XKR9: variants seen among roughly 807,000 people sequenced by gnomAD.
The protein encoded by XKR9 is XK related 9, also known as XK-related protein 9.
XKR9 carries 32 observed loss-of-function variants against 32.0 expected under a neutral mutation model. The ratio of observed to expected loss-of-function variants is 1.00; its 90% CI spans 0.76 to 1.34. The LOEUF (loss-of-function observed/expected upper bound fraction) is 1.34. Among genes scored for constraint, XKR9 ranks in the 40% most tolerant of loss-of-function variants. The pLI, the probability that XKR9 is intolerant of heterozygous loss-of-function variation, is 0.00. For missense variants in XKR9, 546 were observed against 429.7 expected (o/e 1.27, Z -2.39); for synonymous variants, 168 against 143.4 (o/e 1.17, Z -1.22).
At chr8:70,871,034 A>T in the XKR9 span, among the ~76,000 whole-genome samples, 1 of 152,226 alleles carries the variant, frequency 6.6e-6, no homozygotes, top group Non-Finnish European at 1.5e-5. Flanking sequence ...TACTAATAAC[A>T]TATAGTTATT....
At chr8:70,848,651 G>T in the XKR9 span, among the ~76,000 whole-genome samples, 2 of 151,574 alleles carry the variant, frequency 1.3e-5, no homozygotes, top group Admixed American at 1.3e-4. Context: ...CTGGCAAATT[G>T]GATAGTCAAA....
intron 3 of XKR9, among the ~76,000 whole-genome samples, chr8:70,693,023 G>C (rs1005415725): frequency 6.6e-6 from 1 of 152,198 alleles, no homozygotes; most frequent in African/African-American, 2.4e-5. Context: ...TTCTGTTGAT[G>C]TGATGAATCA....
chr8:70,990,733 AAGAGAGAGAGAGAGAGAG>A, the XKR9 span, among the ~76,000 whole-genome samples: 1 of 143,192 alleles, frequency 7.0e-6, no homozygotes, highest in Admixed American at 6.9e-5. Context: ...TTGGCAGAAT[AAGAGAGAGAGAGAGAGAG>A]AGAGAGAGAG....
At position 70,764,250 on chromosome 8, in the gene XKR9, A is replaced by G. The variant is rs553452289; in HGVS notation, n.353-25089A>G. ...TCTCTGCCCTCTTTACTCTGCTGGG[A>G]CTGTACCATATTAGTACAGGTTTGT... is the stretch of plus-strand genomic sequence containing the variant. On this transcript the variant is annotated intron_variant and non_coding_transcript_variant, in intron 2 of 3. Transcript: ENST00000520273. Among the ~76,000 whole-genome samples, 3 of 152,206 alleles carry G rather than the reference A, an allele frequency of 2.0e-5. No homozygotes were observed. In the East Asian group the frequency reaches 5.8e-4, roughly 29 times the overall value.
At chr8:70,691,513 T>G (rs1805070261) in intron 3 of XKR9, among the ~76,000 whole-genome samples, 1 of 152,178 alleles carries the variant, frequency 6.6e-6, no homozygotes, top group Non-Finnish European at 1.5e-5. Context: ...TGGTATTGCC[T>G]AGGTTGTCTT....
At chr8:70,929,509 A>G in the XKR9 span, among the ~76,000 whole-genome samples, 1 of 152,212 alleles carries the variant, frequency 6.6e-6, no homozygotes, top group African/African-American at 2.4e-5. Context: ...CAAGACAGAA[A>G]TCAACGTGTA....
chr8:70,673,729 C>T (rs942282839), intron 1 of XKR9, among the ~76,000 whole-genome samples: 1 of 151,394 alleles, frequency 6.6e-6, no homozygotes, highest in East Asian at 1.9e-4. Context: ...CGCGGCACTG[C>T]ACTCCAGCCT....
chr8:70,728,303 G>T (rs1003301121), intron 4 of XKR9, among the ~76,000 whole-genome samples: 3 of 152,150 alleles, frequency 2.0e-5, no homozygotes, highest in African/African-American at 7.2e-5. Flanking sequence ...GAAAAAGGGC[G>T]AAGACTTCTC....
the XKR9 span, among the ~76,000 whole-genome samples, chr8:70,815,271 G>A: frequency 6.6e-5 from 10 of 152,036 alleles, no homozygotes; most frequent in Admixed American, 4.6e-4. Context: ...CACCACCAAC[G>A]TATTAAGCCT....
At chr8:70,697,603 T>C (rs373294379) in intron 3 of XKR9, among the ~76,000 whole-genome samples, 3 of 149,312 alleles carry the variant, frequency 2.0e-5, no homozygotes, top group South Asian at 2.1e-4. Flanking sequence ...TTATTGAGGA[T>C]TTTTGCATCA....
chr8:71,064,758 A>G, the XKR9 span, among the ~76,000 whole-genome samples: 1 of 152,138 alleles, frequency 6.6e-6, no homozygotes, highest in Non-Finnish European at 1.5e-5. Flanking sequence ...AGCTGTTTCC[A>G]TTCTATAGGG....
At chr8:70,879,339 A>G in the XKR9 span, among the ~76,000 whole-genome samples, 3 of 152,228 alleles carry the variant, frequency 2.0e-5, no homozygotes, top group East Asian at 5.8e-4. Context: ...AGACACAAAA[A>G]TCCCTTTAAA....
chr8:71,041,421 T>G, the XKR9 span, among the ~76,000 whole-genome samples: 1 of 152,176 alleles, frequency 6.6e-6, no homozygotes. Flanking sequence ...TTAAAATATA[T>G]GATAAATCAG....
At chr8:70,857,188 G>T in the XKR9 span, among the ~76,000 whole-genome samples, 5 of 152,060 alleles carry the variant, frequency 3.3e-5, no homozygotes, top group African/African-American at 9.7e-5. Flanking sequence ...TCCAGAAGCT[G>T]GTTTTTTGAA....
chr8:70,701,128 C>G (rs1302347902), intron 3 of XKR9, among the ~76,000 whole-genome samples: 2 of 152,230 alleles, frequency 1.3e-5, no homozygotes, highest in Non-Finnish European at 2.9e-5. Context: ...TCCCTGACCC[C>G]TTGCACTTCC....
chr8:70,956,745 A>G, the XKR9 span, among the ~76,000 whole-genome samples: 128 of 152,318 alleles, frequency 8.4e-4, no homozygotes, highest in Middle Eastern at 3.4e-3. Flanking sequence ...ATACCCGGCC[A>G]GGTTATGACA....
At chr8:70,920,822 G>A in the XKR9 span, among the ~76,000 whole-genome samples, 4 of 152,032 alleles carry the variant, frequency 2.6e-5, no homozygotes, top group East Asian at 7.7e-4. Context: ...ATTTTGTTAT[G>A]AGGAGATCCT....
intron 4 of XKR9, among the ~76,000 whole-genome samples, chr8:70,725,976 C>T (rs1806455062): frequency 6.6e-6 from 1 of 152,092 alleles, no homozygotes; most frequent in Non-Finnish European, 1.5e-5. Context: ...AAAAAAACTA[C>T]AAATGGATTT....
chr8:70,815,716 G>A, the XKR9 span, among the ~76,000 whole-genome samples: 16 of 151,758 alleles, frequency 1.1e-4, no homozygotes, highest in African/African-American at 3.6e-4. Flanking sequence ...TAGTAGAGAC[G>A]GGATTTCACC....
Sources: gnomAD v4.1 joint callset for allele counts (sites outside exome capture counted in the v4.1 genomes callset) on GRCh38, gnomAD v4.1.1 for gene constraint, MANE v1.5 for transcripts, NCBI Gene and HGNC (gene_info 2026-07-23, HGNC 2026-07-21) for gene names.